TTI2: variants seen among roughly 807,000 people sequenced by gnomAD.
TTI2 encodes the protein TELO2 interacting protein 2, also known as TELO2-interacting protein 2.
A neutral mutation model predicts 44.9 loss-of-function variants in TTI2; 26 were observed. The ratio of observed to expected loss-of-function variants is 0.58; its 90% CI spans 0.42 to 0.80. The LOEUF (loss-of-function observed/expected upper bound fraction) is 0.80, where lower values mean the gene tolerates loss of function less well. Among genes scored for constraint, TTI2 ranks in the 30% least tolerant of loss-of-function variants. The probability of loss-of-function intolerance (pLI) is 0.00; values close to 1 mark genes in which losing one functional copy is unlikely to be tolerated. For missense variants in TTI2, 582 were observed against 611.6 expected (o/e 0.95, Z 0.51); for synonymous variants, 254 against 250.9 (o/e 1.01, Z -0.12).
Position 33,512,216 on chromosome 8 carries a change from GA to G in TTI2, c.397del (p.Ser133ProfsTer73). On this transcript the variant is annotated frameshift_variant, in exon 2 of 8. Coordinates refer to ENST00000431156, the MANE Select transcript of TTI2 (RefSeq NM_001102401.4). LOFTEE classifies it high-confidence loss of function. ...LLGKVETAKN[S>X]LVGPAWQTGL... ...CGTCTGCCATGCAGGGCCGACCAGG[GA>G]ATTCTTAGCAGTCTCAACTTTCCCT... 1 of 1,614,152 alleles carries G rather than the reference GA, an allele frequency of 6.2e-7. No individual in the cohort carries two copies. Among genetic ancestry groups the G allele is most frequent in the Non-Finnish European group, 8.5e-7 (1 of 1,180,032 alleles).
At position 33,508,662 on chromosome 8, in the gene TTI2, G is replaced by A. The variant is rs113704916; in HGVS notation, c.834+1084C>T. ...AAAGGGCAGGGGGGCAGGGTTGGAG[G>A]TGATCTCTGGCTCTCCCCTACAGGT... On this transcript the variant is annotated intron_variant, in intron 3 of 7. Coordinates refer to ENST00000431156, the MANE Select transcript of TTI2 (RefSeq NM_001102401.4). 7.5e-3 allele frequency among the ~76,000 whole-genome samples: 1,128 copies of A among 150,428 alleles called. 6 individuals are homozygous for A. The highest frequency in any genetic ancestry group is 0.014 in the Middle Eastern group (4 of 284).
chr8:33,511,342 C>A (rs1809520647), intron 2 of TTI2, among the ~76,000 whole-genome samples: 1 of 152,040 alleles, frequency 6.6e-6, no homozygotes, highest in Non-Finnish European at 1.5e-5. Flanking sequence ...CTCGCCCGGC[C>A]ACATTTTGTA....
At chr8:33,504,289 A>ATTTTTTTTTTTTTTTTT (rs1169577360) in intron 4 of TTI2, among the ~76,000 whole-genome samples, 1 of 72,978 alleles carries the variant, frequency 1.4e-5, no homozygotes, top group Non-Finnish European at 2.4e-5. Flanking sequence ...ATATTTACAC[A>ATTTTTTTTTTTTTTTTT]TTTTTTTTTT....
At chr8:33,500,183 G>T in intron 7 of TTI2, 145 bp downstream of exon 7, 2 of 825,850 alleles carry the variant, frequency 2.4e-6, no homozygotes, top group Non-Finnish European at 3.8e-6. Context: ...GCTCTTTTGA[G>T]GCTAGAGGGC....
chr8:33,505,445 C>T (rs1809259294), intron 4 of TTI2, among the ~76,000 whole-genome samples: 2 of 151,842 alleles, frequency 1.3e-5, no homozygotes, highest in Non-Finnish European at 2.9e-5. Context: ...AAAGTCAACC[C>T]AAACCTAGTT....
intron 3 of TTI2, 131 bp from the exon 4 acceptor site, chr8:33,507,452 G>C: frequency 1.3e-6 from 1 of 785,284 alleles, no homozygotes; most frequent in Non-Finnish European, 2.2e-6. Flanking sequence ...TGATTGTTTC[G>C]AGTTGAAAAT....
chr8:33,503,597 C>T (rs771467276), intron 5 of TTI2, 25 bp from the exon 6 acceptor site: 32 of 1,612,790 alleles, frequency 2.0e-5, no homozygotes, highest in South Asian at 2.2e-5. Flanking sequence ...GAAAATATGA[C>T]GCCAGTGCAG....
At chr8:33,508,650 G>A (rs1414680795) in intron 3 of TTI2, among the ~76,000 whole-genome samples, 2 of 150,788 alleles carry the variant, frequency 1.3e-5, no homozygotes, top group African/African-American at 2.4e-5. Flanking sequence ...GGGCAGGGGG[G>A]CAGGGTTGGA....
At chr8:33,507,092 AC>A (rs1809325466) in intron 4 of TTI2, 136 bp downstream of exon 4, 3 of 751,804 alleles carry the variant, frequency 4.0e-6, no homozygotes, top group Admixed American at 4.5e-5. Flanking sequence ...GATATTTTTA[AC>A]TTGGCAACGC....
chr8:33,501,629 A>C (rs1809081404), intron 6 of TTI2, among the ~76,000 whole-genome samples: 1 of 152,238 alleles, frequency 6.6e-6, no homozygotes, highest in African/African-American at 2.4e-5. Flanking sequence ...TGGAGATTAT[A>C]ATTCCGTAGG....
chr8:33,509,949 A>AATTAC lies in TTI2; in HGVS notation c.648-22_648-18dup. The AATTAC allele has an allele frequency of 1.3e-6, 2 of 1,495,110 alleles. No individual in the cohort carries two copies. The highest frequency in any genetic ancestry group is 1.9e-6 in the Non-Finnish European group (2 of 1,079,764). 92.6% of individuals were successfully genotyped at this position (1,495,110 alleles called of 1,614,324 possible). On this transcript the variant is annotated splice_polypyrimidine_tract_variant and intron_variant, in intron 2 of 7. Transcript: ENST00000431156. ...CAGGATTCCCTAAGTGAATACATAG[A>AATTAC]ATTACATTAAGTGACATGGTGATAA...
At chr8:33,501,911 T>C (rs1284581342) in intron 6 of TTI2, among the ~76,000 whole-genome samples, 3 of 152,156 alleles carry the variant, frequency 2.0e-5, no homozygotes, top group Non-Finnish European at 2.9e-5. Context: ...AGCAAGTATA[T>C]CCTACATTAG....
Position 33,503,916 on chromosome 8 carries a change from A to G in TTI2, c.947T>C (p.Leu316Pro), listed in dbSNP as rs1450757868. The G allele has an allele frequency of 6.2e-7, 1 of 1,614,120 alleles. No homozygotes were observed. The highest frequency in any genetic ancestry group is 1.1e-5 in the South Asian group (1 of 91,080). ...TTTCTCCAGGATGGGGAATAAATCC[A>G]GCAGACACAGGAGCACAGCCTAGGA... ...HLIQAVLLCL[L>P]DLFPILEKTL... Residue 316 changes from leucine (L) to proline (P), a missense_variant, in exon 5 of 8, where the codon CTG (leucine) becomes CCG (proline). By Grantham distance (98) the Leu-to-Pro change is moderately conservative. Coordinates refer to ENST00000431156, the MANE Select transcript of TTI2 (RefSeq NM_001102401.4).
rs16875723 is a variant in TTI2, at chr8:33,499,076, A to G, written c.*97T>C. ...AGGAAAAAGCAGCTTTCACTTACAA[A>G]GTTTCGTGTAAAAATATCTTTTTTT... On this transcript the variant is annotated 3_prime_UTR_variant, in exon 8 of 8. Coordinates refer to ENST00000431156, the MANE Select transcript of TTI2 (RefSeq NM_001102401.4). The G allele has an allele frequency of 1.8e-3, 1,905 of 1,035,584 alleles. 31 individuals carry two copies. The African/African-American group carries it at 0.026, about 14-fold the overall frequency. The allele number at this position is 1,035,584 out of a possible 1,614,324, so 64.1% of individuals were successfully genotyped here. A position where few individuals can be genotyped will look rare whatever the true frequency, so the allele number is the denominator to read the frequency against.
chr8:33,509,455 CAAAAAAAAA>C (rs767485555), intron 3 of TTI2, among the ~76,000 whole-genome samples: 1 of 69,584 alleles, frequency 1.4e-5, no homozygotes, highest in Non-Finnish European at 2.6e-5. Context: ...GACTCCCTCT[CAAAAAAAAA>C]AAAAAAAAAA....
At chr8:33,502,094 C>T (rs1809101664) in intron 6 of TTI2, among the ~76,000 whole-genome samples, 1 of 152,116 alleles carries the variant, frequency 6.6e-6, no homozygotes. Flanking sequence ...CAGGTGCGCG[C>T]CACCATGCCC....
chr8:33,504,769 A>G (rs1032778246), intron 4 of TTI2, among the ~76,000 whole-genome samples: 2 of 152,126 alleles, frequency 1.3e-5, no homozygotes, highest in African/African-American at 2.4e-5. Flanking sequence ...TGGCTTGGAC[A>G]AGCTTGGTTC....
Position 33,499,187 on chromosome 8 carries a change from A to T in TTI2, c.1513T>A (p.Tyr505Asn), listed in dbSNP as rs748093004. 7 of 1,613,654 alleles carry T rather than the reference A, an allele frequency of 4.3e-6. No homozygotes were observed. The highest frequency in any genetic ancestry group is 5.1e-6 in the Non-Finnish European group (6 of 1,179,544). ...KVQQVSEGAP[Y>N]NGT ...TAATACAAGTCTTAAGTTCCATTGT[A>T]GGGTGCGCCTTCAGAAACCTGCTGC... is the stretch of plus-strand genomic sequence containing the variant. The change falls in exon 8 of 8, where the codon TAC (tyrosine) becomes AAC (asparagine). Residue 505 changes from tyrosine to asparagine, a missense_variant. Coordinates refer to ENST00000431156, the MANE Select transcript of TTI2 (RefSeq NM_001102401.4).
At chr8:33,510,467 C>T (rs1258972460) in intron 2 of TTI2, among the ~76,000 whole-genome samples, 5 of 152,156 alleles carry the variant, frequency 3.3e-5, no homozygotes, top group Admixed American at 3.3e-4. Context: ...ACCTCCGCCT[C>T]CCAGGCTCAA....
Sources: gnomAD v4.1 joint callset for allele counts (sites outside exome capture counted in the v4.1 genomes callset) on GRCh38, gnomAD v4.1.1 for gene constraint, MANE v1.5 for transcripts, NCBI Gene and HGNC (gene_info 2026-07-23, HGNC 2026-07-21) for gene names.